ARHGAP26: variants seen among roughly 807,000 people sequenced by gnomAD.
ARHGAP26 encodes rho GTPase-activating protein 26.
A neutral mutation model predicts 104.8 loss-of-function variants in ARHGAP26; 38 were observed. The ratio of observed to expected loss-of-function variants is 0.36; its 90% CI spans 0.28 to 0.48. The LOEUF (loss-of-function observed/expected upper bound fraction) is 0.48. Ranked by LOEUF, ARHGAP26 falls within the 20% of genes least tolerant of loss-of-function variation. The pLI is 0.99. For synonymous variants in ARHGAP26, 341 were observed against 340.0 expected (o/e 1.00, Z -0.03); for missense variants, 704 against 947.9 (o/e 0.74, Z 3.38).
chr5:143,135,236 T>C (rs1303177174), intron 19 of ARHGAP26, among the ~76,000 whole-genome samples: 1 of 152,200 alleles, frequency 6.6e-6, no homozygotes. Flanking sequence ...TTACCTAATA[T>C]CTCAGGGCCC....
intron 11 of ARHGAP26, among the ~76,000 whole-genome samples, chr5:143,011,755 A>G (rs997861041): frequency 2.0e-5 from 3 of 152,328 alleles, no homozygotes; most frequent in Non-Finnish European, 2.9e-5. Flanking sequence ...CTGCTGAGGG[A>G]GAGTGGGCCA....
At chr5:143,085,310 T>TCACCAGA (rs1353065931) in intron 17 of ARHGAP26, among the ~76,000 whole-genome samples, 2 of 152,054 alleles carry the variant, frequency 1.3e-5, no homozygotes, top group Non-Finnish European at 2.9e-5. Flanking sequence ...CCAGTTAGTC[T>TCACCAGA]CATATACATA....
At chr5:143,049,735 G>A (rs185899834) in intron 14 of ARHGAP26, among the ~76,000 whole-genome samples, 70 of 152,276 alleles carry the variant, frequency 4.6e-4, no homozygotes, top group Non-Finnish European at 8.8e-4. Context: ...CATAATTTGA[G>A]CCAACTTTCT....
At chr5:143,170,637 A>G (rs1802643415) in intron 20 of ARHGAP26, 1 of 152,238 alleles carries the variant, frequency 6.6e-6, no homozygotes, top group Non-Finnish European at 1.5e-5. Context: ...ACATGTGTGT[A>G]CTTATTTAAT....
intron 20 of ARHGAP26, among the ~76,000 whole-genome samples, chr5:143,162,312 C>CACACACAT (rs1801357757): frequency 6.6e-6 from 1 of 151,416 alleles, no homozygotes; most frequent in Non-Finnish European, 1.5e-5. Context: ...CACACACACA[C>CACACACAT]GCAATCCCCT....
intron 17 of ARHGAP26, chr5:143,057,994 G>A (rs1266759836): frequency 1.5e-6 from 1 of 647,264 alleles, no homozygotes; most frequent in South Asian, 1.5e-5. Context: ...TTTTCAGGGG[G>A]ATTTTACCTA....
At chr5:143,036,300 AAACATGGGGGTG>A (rs1277541864) in intron 12 of ARHGAP26, among the ~76,000 whole-genome samples, 1 of 152,192 alleles carries the variant, frequency 6.6e-6, no homozygotes, top group Admixed American at 6.5e-5. Context: ...CGGGTAACCA[AAACATGGGGGTG>A]AATTTTAGGG....
intron 11 of ARHGAP26, among the ~76,000 whole-genome samples, chr5:142,944,069 A>T (rs542131574): frequency 6.6e-6 from 1 of 152,280 alleles, no homozygotes; most frequent in South Asian, 2.1e-4. Flanking sequence ...CATTAGTTGC[A>T]ATTATGTAGT....
intron 11 of ARHGAP26, among the ~76,000 whole-genome samples, chr5:142,971,873 A>G (rs954989812): frequency 1.3e-5 from 2 of 152,154 alleles, no homozygotes; most frequent in Non-Finnish European, 2.9e-5. Context: ...TTCCTATGTG[A>G]TACACGGAGT....
chr5:143,011,593 C>CT (rs1778766439), intron 11 of ARHGAP26, among the ~76,000 whole-genome samples: 1 of 151,940 alleles, frequency 6.6e-6, no homozygotes. Flanking sequence ...TATGCCCTTC[C>CT]TCAATAGCCA....
At chr5:143,101,839 G>A (rs899640637) in intron 17 of ARHGAP26, among the ~76,000 whole-genome samples, 2 of 150,902 alleles carry the variant, frequency 1.3e-5, no homozygotes, top group Admixed American at 1.3e-4. Flanking sequence ...GGGAAAGTTC[G>A]TCATATGACA....
intron 20 of ARHGAP26, among the ~76,000 whole-genome samples, chr5:143,164,582 C>T (rs2151086304): frequency 6.6e-6 from 1 of 152,290 alleles, no homozygotes; most frequent in East Asian, 1.9e-4. Flanking sequence ...ACTAGCAGCT[C>T]TTCTTCCGCC....
rs73799020 is a variant in ARHGAP26 at position 142,881,512 on chromosome 5, C to A, written c.384+2067C>A. Reference sequence around the variant, plus strand: ...AAGCATGTTTCCCCTCATGCATATTCTATTCTCCTATTCATTAAACCATGA... The same window carrying A: ...AAGCATGTTTCCCCTCATGCATATTATATTCTCCTATTCATTAAACCATGA... On this transcript the variant is annotated intron_variant, in intron 4 of 22. Transcript: ENST00000645722. Among the ~76,000 whole-genome samples the A allele has an allele frequency of 5.8e-4, 89 of 152,246 alleles. 1 individual carries two copies. The highest frequency in any genetic ancestry group is 2.0e-3 in the African/African-American group (83 of 41,548).
chr5:142,940,209 A>G (rs188097366), intron 11 of ARHGAP26, among the ~76,000 whole-genome samples: 1 of 152,280 alleles, frequency 6.6e-6, no homozygotes, highest in East Asian at 1.9e-4. Flanking sequence ...TCTTTGTTAA[A>G]ATAAGTGATT....
intron 14 of ARHGAP26, among the ~76,000 whole-genome samples, chr5:143,048,171 A>C (rs1290640042): frequency 1.3e-5 from 2 of 151,900 alleles, no homozygotes; most frequent in Non-Finnish European, 2.9e-5. Context: ...TTTTGATTAC[A>C]AGACCTTTTT....
intron 1 of ARHGAP26, among the ~76,000 whole-genome samples, chr5:142,790,042 T>G (rs1418984543): frequency 2.0e-5 from 3 of 152,246 alleles, no homozygotes; most frequent in African/African-American, 7.2e-5. Flanking sequence ...TATTGTACTC[T>G]AGCTGTATGG....
At chr5:143,211,293 C>T (rs1324826177) in intron 21 of ARHGAP26, among the ~76,000 whole-genome samples, 2 of 152,088 alleles carry the variant, frequency 1.3e-5, no homozygotes, top group Non-Finnish European at 2.9e-5. Flanking sequence ...ATATTTGGGA[C>T]ATAACGTATA....
chr5:142,967,156 G>A (rs1229453938), intron 11 of ARHGAP26, among the ~76,000 whole-genome samples: 1 of 152,116 alleles, frequency 6.6e-6, no homozygotes, highest in Non-Finnish European at 1.5e-5. Flanking sequence ...TTTTAGTGCT[G>A]TAATGTTTTT....
chr5:142,838,173 G>A (rs1769980875), intron 1 of ARHGAP26, among the ~76,000 whole-genome samples: 1 of 151,924 alleles, frequency 6.6e-6, no homozygotes, highest in African/African-American at 2.4e-5. Context: ...CAGGAGAATT[G>A]CTTGAACCCA....
Sources: allele counts gnomAD v4.1 joint callset (sites outside exome capture counted in the v4.1 genomes callset), GRCh38; gene constraint gnomAD v4.1.1; transcripts MANE v1.5; gene names NCBI Gene and HGNC (gene_info 2026-07-23, HGNC 2026-07-21).